The following ZMYM1 variants were observed in gnomAD, a reference collection of about 807,000 sequenced individuals.
ZMYM1 encodes zinc finger MYM-type protein 1.
In ZMYM1, 39 loss-of-function variants were observed where a neutral mutation model predicts 60.0. The ratio of observed to expected loss-of-function variants is 0.65; its 90% confidence interval spans 0.50 to 0.85. The LOEUF is 0.85. ZMYM1 is among the 40% of genes least tolerant of loss of function. The probability of loss-of-function intolerance (pLI) is 0.00; values close to 1 mark genes in which losing one functional copy is unlikely to be tolerated. For missense variants in ZMYM1, 1,171 were observed against 1,309.5 expected (o/e 0.89, Z 1.63); for synonymous variants, 413 against 454.0 (o/e 0.91, Z 1.15).
chr1:35,086,702 A>G (rs1180010880), intron 1 of ZMYM1, among the ~76,000 whole-genome samples: 4 of 150,386 alleles, frequency 2.7e-5, no homozygotes, highest in African/African-American at 4.9e-5. Flanking sequence ...TTCTTTTGAG[A>G]TGCAGTTTCG....
chr1:35,067,759 C>T (rs1641996443), intron 1 of ZMYM1, among the ~76,000 whole-genome samples: 1 of 151,468 alleles, frequency 6.6e-6, no homozygotes, highest in Non-Finnish European at 1.5e-5. Flanking sequence ...CCTGTGGTCC[C>T]GGCTGCTTGG....
chr1:35,110,507 CTTTAA>C (rs577206514), intron 7 of ZMYM1, 60 bp downstream of exon 7: 6 of 1,218,312 alleles, frequency 4.9e-6, no homozygotes, highest in African/African-American at 1.6e-5. Flanking sequence ...TATTATTTGA[CTTTAA>C]TTTATAACCT....
chr1:35,089,124 A>T (rs1431867578), intron 1 of ZMYM1, among the ~76,000 whole-genome samples: 1 of 151,918 alleles, frequency 6.6e-6, no homozygotes, highest in Non-Finnish European at 1.5e-5. Flanking sequence ...CACTATTTTT[A>T]TGTTTGTATG....
At chr1:35,068,343 C>T (rs12082924) in intron 1 of ZMYM1, among the ~76,000 whole-genome samples, 20,465 of 148,980 alleles carry the variant, frequency 0.14, 4,541 homozygotes, top group African/African-American at 0.47. Context: ...TGCTTGAACC[C>T]GGGAGGCAGA....
At chr1:35,101,631 A>G (rs1001500910) in intron 4 of ZMYM1, among the ~76,000 whole-genome samples, 1 of 151,200 alleles carries the variant, frequency 6.6e-6, no homozygotes, top group Non-Finnish European at 1.5e-5. Context: ...CTCTCCTCTT[A>G]CAACCGCCCA....
Position 35,110,274 on chromosome 1 carries a change from T to C in ZMYM1, c.808-20T>C. 3 of 1,461,820 alleles carry C rather than the reference T, an allele frequency of 2.1e-6. No homozygotes were observed. The highest frequency in any genetic ancestry group is 2.7e-6 in the Non-Finnish European group (3 of 1,106,588). 90.6% of individuals were successfully genotyped at this position (1,461,820 alleles called of 1,614,324 possible). A position where few individuals can be genotyped will look rare whatever the true frequency, so the allele number is the denominator to read the frequency against. Reference sequence around the variant, plus strand: ...ATATCATATACCAGGAATATGAATATTATTTTAATCTCTAAACAGAAACCT... The same window carrying C: ...ATATCATATACCAGGAATATGAATACTATTTTAATCTCTAAACAGAAACCT... On this transcript the variant is annotated intron_variant, in intron 6 of 9. Transcript: ENST00000359858.
chr1:35,107,417 C>T (rs533789786), intron 6 of ZMYM1, among the ~76,000 whole-genome samples: 2 of 150,036 alleles, frequency 1.3e-5, no homozygotes, highest in South Asian at 2.2e-4. Context: ...TGCAGTGAGC[C>T]GAGATCGTGC....
intron 1 of ZMYM1, among the ~76,000 whole-genome samples, chr1:35,081,694 G>T (rs898755231): frequency 1.8e-4 from 28 of 151,810 alleles, no homozygotes; most frequent in Non-Finnish European, 3.5e-4. Context: ...AAATAAAATT[G>T]ATTTTTTGTT....
chr1:35,076,567 G>C (rs147526606), upstream of ZMYM1, among the ~76,000 whole-genome samples: 4 of 152,136 alleles, frequency 2.6e-5, no homozygotes, highest in Middle Eastern at 3.4e-3. Context: ...GTTGCGGTGA[G>C]CCAAGATTGC....
intron 1 of ZMYM1, among the ~76,000 whole-genome samples, chr1:35,082,808 C>T (rs936363016): frequency 8.6e-5 from 13 of 151,576 alleles, no homozygotes; most frequent in East Asian, 4.0e-4. Flanking sequence ...GGTGAAACCC[C>T]GTCTCTACTA....
chr1:35,061,820 T>TTTTTTTTTTTTATTTATTTATTTATTTA (rs372684642), intron 1 of ZMYM1, among the ~76,000 whole-genome samples: 4 of 145,574 alleles, frequency 2.7e-5, no homozygotes, highest in African/African-American at 1.1e-4. Flanking sequence ...TCCCTTTTAT[T>TTTTTTTTTTTTATTTATTTATTTATTTA]TTTATTTATT....
chr1:35,100,200 GT>G (rs1643568746), intron 4 of ZMYM1, among the ~76,000 whole-genome samples: 1 of 151,992 alleles, frequency 6.6e-6, no homozygotes, highest in Non-Finnish European at 1.5e-5. Flanking sequence ...CTGATTTTTA[GT>G]TACTTTTTAA....
chr1:35,104,017 C>G (rs527480885), intron 4 of ZMYM1, among the ~76,000 whole-genome samples: 596 of 152,246 alleles, frequency 3.9e-3, no homozygotes, highest in Non-Finnish European at 6.7e-3. Context: ...GGGAGAATCT[C>G]TTGAGCCCAG....
rs746678487 is a variant in ZMYM1, at chr1:35,104,328, C to T, written c.453C>T (p.Val151=). The T allele has an allele frequency of 4.4e-6, 7 of 1,603,888 alleles. No homozygotes were observed. The highest frequency in any genetic ancestry group is 8.5e-7 in the Non-Finnish European group (1 of 1,176,862). The part of the protein sequence containing the change: ...DILNPKDVIS[V]QLEDTTSCKT... ...TAAATCCAAAGGATGTGATTAGTGTCCAGCTGGAAGACACTACCTCTTGCA... is the reference window on the plus strand; with the variant it reads ...TAAATCCAAAGGATGTGATTAGTGTTCAGCTGGAAGACACTACCTCTTGCA... Residue 151 remains valine (V), a synonymous_variant, in exon 5 of 10, where the codon GTC becomes GTT. Coordinates refer to ENST00000359858, the MANE Select transcript of ZMYM1 (RefSeq NM_024772.5).
intron 4 of ZMYM1, among the ~76,000 whole-genome samples, chr1:35,099,100 A>G (rs918407847): frequency 2.0e-5 from 3 of 152,236 alleles, no homozygotes; most frequent in African/African-American, 7.2e-5. Flanking sequence ...ACCAGCATGT[A>G]GTAAGAACTC....
At chr1:35,098,831 C>T (rs1030882857) in intron 4 of ZMYM1, among the ~76,000 whole-genome samples, 8 of 151,846 alleles carry the variant, frequency 5.3e-5, no homozygotes, top group Non-Finnish European at 2.9e-5. Context: ...TGCTTGAACC[C>T]GGGAGGCTAA....
intron 3 of ZMYM1, among the ~76,000 whole-genome samples, 161 bp downstream of exon 3, chr1:35,096,052 C>T (rs952894627): frequency 6.6e-5 from 10 of 152,236 alleles, no homozygotes; most frequent in African/African-American, 2.4e-4. Context: ...CAGTGGCTCA[C>T]ACCTGTAATC....
At position 35,113,785 on chromosome 1, in the gene ZMYM1, A is replaced by G. The variant is rs758222861; in HGVS notation, c.1955A>G (p.Asn652Ser). The change falls in exon 10 of 10, where the codon AAT becomes AGT. Residue 652 changes from asparagine to serine, a missense_variant. Asn to Ser is a conservative substitution (Grantham distance 46). Transcript: ENST00000359858. ...TCAATCATATGTGATGAGACAATCA[A>G]TAGTGCCATGAAAGAACAGCTTTCA... ...AFSIICDETI[N>S]SAMKEQLSIC... 18 of 1,613,822 alleles carry G rather than the reference A, an allele frequency of 1.1e-5. No individual in the cohort carries two copies. Among genetic ancestry groups the G allele is most frequent in the Admixed American group, 1.7e-5 (1 of 59,992 alleles).
intron 4 of ZMYM1, among the ~76,000 whole-genome samples, chr1:35,097,927 G>A (rs1483050699): frequency 1.3e-5 from 2 of 152,222 alleles, no homozygotes; most frequent in Admixed American, 6.5e-5. Context: ...GGGATTACAG[G>A]TGTGAGTCAC....
Sources: allele counts gnomAD v4.1 joint callset (sites outside exome capture counted in the v4.1 genomes callset), GRCh38; gene constraint gnomAD v4.1.1; transcripts MANE v1.5; gene names NCBI Gene and HGNC (gene_info 2026-07-23, HGNC 2026-07-21).